Variants in PRKAG2 observed in about 807,000 individuals in gnomAD.
The protein encoded by PRKAG2 is 5'-AMP-activated protein kinase subunit gamma-2.
PRKAG2 carries 26 observed loss-of-function variants against 69.6 expected under a neutral mutation model. The observed-to-expected ratio is 0.37, with a 90% CI of 0.27 to 0.52. PRKAG2 has a LOEUF of 0.52. Among genes scored for constraint, PRKAG2 ranks in the 20% least tolerant of loss-of-function variants. PRKAG2 has a pLI of 0.90. For missense variants in PRKAG2, 557 were observed against 740.0 expected (o/e 0.75, Z 2.87); for synonymous variants, 293 against 285.0 (o/e 1.03, Z -0.28).
At position 151,818,791 on chromosome 7, in the gene PRKAG2, C is replaced by A. The variant is rs1261022496; in HGVS notation, c.115-32250G>T. On this transcript the variant is annotated intron_variant, in intron 1 of 15. Coordinates refer to ENST00000287878, the MANE Select transcript of PRKAG2 (RefSeq NM_016203.4). ...AGCTGGGGATTCGGGGCACGGCATGCCACTGGCTGGGGCCAGCATTTGAGA... is the reference window on the plus strand; with the variant it reads ...AGCTGGGGATTCGGGGCACGGCATGACACTGGCTGGGGCCAGCATTTGAGA... 2.0e-5 allele frequency among the ~76,000 whole-genome samples: 3 copies of A among 152,234 alleles called. No homozygotes were observed. The East Asian group carries it at 5.8e-4, about 29-fold the overall frequency.
intron 15 of PRKAG2, chr7:151,560,220 T>A: frequency 6.4e-6 from 8 of 1,248,166 alleles, no homozygotes; most frequent in Non-Finnish European, 8.1e-6. Context: ...CAAAGCACAA[T>A]TGAAGAGGTC....
intron 1 of PRKAG2, among the ~76,000 whole-genome samples, chr7:151,794,512 C>T (rs1429953982): frequency 1.3e-5 from 2 of 152,250 alleles, no homozygotes; most frequent in Non-Finnish European, 2.9e-5. Flanking sequence ...TGGCACTGGG[C>T]ATGGCGAGGG....
intron 4 of PRKAG2, among the ~76,000 whole-genome samples, chr7:151,642,532 C>T (rs150248487): frequency 4.6e-4 from 70 of 152,202 alleles, no homozygotes; most frequent in Non-Finnish European, 7.9e-4. Context: ...ACCCCACTCC[C>T]CAAAAAGAAG....
chr7:151,689,117 G>T (rs569993330), intron 3 of PRKAG2, among the ~76,000 whole-genome samples: 55 of 152,220 alleles, frequency 3.6e-4, no homozygotes, highest in Admixed American at 3.1e-3. Context: ...GAGCATAGTC[G>T]TTTTTAAAAT....
At chr7:151,731,050 GTTT>G (rs1174890183) in intron 3 of PRKAG2, among the ~76,000 whole-genome samples, 1 of 152,184 alleles carries the variant, frequency 6.6e-6, no homozygotes, top group Non-Finnish European at 1.5e-5. Context: ...ACGCTAAATG[GTTT>G]TTATTTAATT....
intron 4 of PRKAG2, among the ~76,000 whole-genome samples, chr7:151,641,817 A>T (rs1336163224): frequency 7.2e-5 from 11 of 152,084 alleles, no homozygotes; most frequent in Admixed American, 7.2e-4. Flanking sequence ...GGCCAATTTT[A>T]GTTTCTGTTA....
chr7:151,584,692 T>G (rs2151082664), intron 6 of PRKAG2, among the ~76,000 whole-genome samples: 1 of 151,858 alleles, frequency 6.6e-6, no homozygotes, highest in East Asian at 1.9e-4. Flanking sequence ...AGCCTCGGGG[T>G]TCAAGACCCA....
At chr7:151,757,478 C>CA (rs1200507547) in intron 3 of PRKAG2, among the ~76,000 whole-genome samples, 1 of 152,178 alleles carries the variant, frequency 6.6e-6, no homozygotes, top group Non-Finnish European at 1.5e-5. Context: ...GGGGGTCAAC[C>CA]ATGTGGAATG....
intron 3 of PRKAG2, among the ~76,000 whole-genome samples, chr7:151,704,230 T>C (rs779883104): frequency 3.3e-5 from 5 of 152,202 alleles, no homozygotes; most frequent in Non-Finnish European, 7.3e-5. Context: ...TTTTAAGTTA[T>C]TTTAAAATAT....
intron 3 of PRKAG2, among the ~76,000 whole-genome samples, chr7:151,760,982 A>G (rs1159346140): frequency 6.6e-6 from 1 of 152,250 alleles, no homozygotes; most frequent in Non-Finnish European, 1.5e-5. Flanking sequence ...AAGGATGCTT[A>G]TCACCTACAA....
intron 14 of PRKAG2, among the ~76,000 whole-genome samples, chr7:151,561,483 C>A (rs1395035658): frequency 6.6e-6 from 1 of 152,136 alleles, no homozygotes; most frequent in African/African-American, 2.4e-5. Context: ...GAATCGCATC[C>A]AAGAGGATAA....
intron 3 of PRKAG2, among the ~76,000 whole-genome samples, chr7:151,676,554 C>G (rs539112135): frequency 9.9e-5 from 15 of 152,282 alleles, no homozygotes; most frequent in South Asian, 6.2e-4. Context: ...TGACTTATTT[C>G]TAACTAACAG....
At chr7:151,773,493 G>A (rs1014870097) in intron 3 of PRKAG2, among the ~76,000 whole-genome samples, 1 of 152,098 alleles carries the variant, frequency 6.6e-6, no homozygotes, top group Non-Finnish European at 1.5e-5. Flanking sequence ...TTAAGCCCTC[G>A]TGCCTCAGTT....
chr7:151,720,761 GAT>G (rs1407392299), intron 3 of PRKAG2, among the ~76,000 whole-genome samples: 1 of 97,766 alleles, frequency 1.0e-5, no homozygotes, highest in African/African-American at 4.1e-5. Context: ...GGGGCAGAGG[GAT>G]GGAAAGGGAT....
At chr7:151,851,159 G>T (rs1436161683) in intron 1 of PRKAG2, among the ~76,000 whole-genome samples, 1 of 152,086 alleles carries the variant, frequency 6.6e-6, no homozygotes, top group East Asian at 1.9e-4. Flanking sequence ...AAAGAAAAAA[G>T]AAACGTCGCC....
At position 151,573,062 on chromosome 7, in the gene PRKAG2, G is replaced by A. The variant is rs369324209; in HGVS notation, c.1006-353C>T. Among the ~76,000 whole-genome samples the A allele has an allele frequency of 4.0e-5, 6 of 151,886 alleles. No individual in the cohort carries two copies. The East Asian group carries it at 5.8e-4, about 15-fold the overall frequency. ...CAGGAAGCAGAGGTTGCAGTGAGCCGAGATGGTACCACTGCATTCCAGCCT... is the reference window on the plus strand; with the variant it reads ...CAGGAAGCAGAGGTTGCAGTGAGCCAAGATGGTACCACTGCATTCCAGCCT... On this transcript the variant is annotated intron_variant, in intron 8 of 15. Transcript: ENST00000287878.
chr7:151,859,633 C>A (rs2079869245), intron 1 of PRKAG2, among the ~76,000 whole-genome samples: 1 of 152,214 alleles, frequency 6.6e-6, no homozygotes, highest in African/African-American at 2.4e-5. Flanking sequence ...CCGGCTGGGT[C>A]TGCTGCCAGC....
At chr7:151,723,368 C>T (rs769226353) in intron 3 of PRKAG2, among the ~76,000 whole-genome samples, 4 of 152,302 alleles carry the variant, frequency 2.6e-5, no homozygotes, top group South Asian at 4.2e-4. Flanking sequence ...AGGACCATGA[C>T]GCATTCGAGC....
chr7:151,867,190 C>T (rs1403020502), intron 1 of PRKAG2, among the ~76,000 whole-genome samples: 1 of 152,220 alleles, frequency 6.6e-6, no homozygotes, highest in Non-Finnish European at 1.5e-5. Flanking sequence ...AGCCCCTGCC[C>T]TACAGCTCTA....
Sources: allele counts gnomAD v4.1 joint callset (sites outside exome capture counted in the v4.1 genomes callset), GRCh38; gene constraint gnomAD v4.1.1; transcripts MANE v1.5; gene names NCBI Gene and HGNC (gene_info 2026-07-23, HGNC 2026-07-21).